NHSL1: variants seen among roughly 807,000 people sequenced by gnomAD.
NHSL1 encodes the protein NHS like 1, also known as NHS-like protein 1.
A neutral mutation model predicts 95.0 loss-of-function variants in NHSL1; 48 were observed. The ratio of observed to expected loss-of-function variants is 0.51; its 90% CI spans 0.40 to 0.64. The LOEUF (loss-of-function observed/expected upper bound fraction) is 0.64, where lower values mean the gene tolerates loss of function less well. NHSL1 is among the 30% of genes least tolerant of loss of function. The pLI, the probability that NHSL1 is intolerant of heterozygous loss-of-function variation, is 0.00. For missense variants in NHSL1, 1,971 were observed against 2,077.7 expected (o/e 0.95, Z 1.00); for synonymous variants, 783 against 833.9 (o/e 0.94, Z 1.05).
intron 1 of NHSL1, among the ~76,000 whole-genome samples, chr6:138,557,536 G>A (rs866933372): frequency 2.6e-5 from 4 of 152,246 alleles, no homozygotes; most frequent in African/African-American, 9.6e-5. Context: ...ACAGTCACTG[G>A]AAGTTAAAGA....
intron 1 of NHSL1, among the ~76,000 whole-genome samples, chr6:138,594,558 A>G (rs1784276157): frequency 6.6e-6 from 1 of 151,976 alleles, no homozygotes; most frequent in Non-Finnish European, 1.5e-5. Flanking sequence ...GGAGCTTTTC[A>G]CTCCACAGAT....
At chr6:138,631,894 A>T (rs568721770) in intron 1 of NHSL1, among the ~76,000 whole-genome samples, 15 of 152,180 alleles carry the variant, frequency 9.9e-5, no homozygotes, top group African/African-American at 3.1e-4. Flanking sequence ...AGCCACGGGG[A>T]GGTAGAGCAC....
chr6:138,450,584 G>A (rs1777163879), intron 3 of NHSL1, among the ~76,000 whole-genome samples: 1 of 152,158 alleles, frequency 6.6e-6, no homozygotes, highest in Admixed American at 6.5e-5. Flanking sequence ...GACTGACACT[G>A]TCAGAATCGA....
At chr6:138,655,596 A>G (rs1211138004) in intron 1 of NHSL1, among the ~76,000 whole-genome samples, 3 of 152,224 alleles carry the variant, frequency 2.0e-5, no homozygotes, top group Non-Finnish European at 4.4e-5. Flanking sequence ...AATGGATCAC[A>G]TTCAACAGCA....
At chr6:138,460,774 T>G (rs150027398) in intron 3 of NHSL1, among the ~76,000 whole-genome samples, 1 of 151,596 alleles carries the variant, frequency 6.6e-6, no homozygotes, top group Non-Finnish European at 1.5e-5. Context: ...CTGTTAGCTA[T>G]GCAATAAAGG....
chr6:138,601,558 A>C (rs965165655), intron 1 of NHSL1, among the ~76,000 whole-genome samples: 2 of 152,184 alleles, frequency 1.3e-5, no homozygotes, highest in Non-Finnish European at 2.9e-5. Flanking sequence ...TCATGCCTGC[A>C]ATCCCAGCAC....
chr6:138,517,275 T>A (rs532147742), intron 1 of NHSL1, among the ~76,000 whole-genome samples: 1 of 152,216 alleles, frequency 6.6e-6, no homozygotes, highest in African/African-American at 2.4e-5. Flanking sequence ...TCTGGATGAA[T>A]ATTTCAGTTC....
At position 138,462,772 on chromosome 6, in the gene NHSL1, C is replaced by T. The variant is rs183110195; in HGVS notation, c.339+10534G>A. ...GGCGTTCTTCTCTAGCCTCATTTAA[C>T]TAACCAATCAGGCTTTAGTGCAAAG... On this transcript the variant is annotated intron_variant, in intron 3 of 7. Coordinates refer to ENST00000343505, the MANE Select transcript of NHSL1 (RefSeq NM_001144060.2). 1.8e-4 allele frequency among the ~76,000 whole-genome samples: 27 copies of T among 152,322 alleles called. No individual in the cohort carries two copies. In the East Asian group the frequency reaches 5.0e-3, roughly 28 times the overall value.
At position 138,498,648 on chromosome 6, in the gene NHSL1, C is replaced by A. The variant is rs369910443; in HGVS notation, c.58+585G>T. ...GCACCTACATTAAAGAAATGTAAGT[C>A]AATGGTAAGTACACAATAAAGCCAC... On this transcript the variant is annotated intron_variant, in intron 1 of 7. Coordinates refer to ENST00000343505, the MANE Select transcript of NHSL1 (RefSeq NM_001144060.2). 4.5e-4 allele frequency among the ~76,000 whole-genome samples: 68 copies of A among 152,294 alleles called. 2 individuals carry two copies. In the South Asian group the frequency reaches 5.0e-3, roughly 11 times the overall value.
rs56326954 is a variant in NHSL1, at chr6:138,423,815, C to CAAAAAAAAAAAAAAAAAAAAA, written c.*245_*265dup. The CAAAAAAAAAAAAAAAAAAAAA allele has an allele frequency of 7.5e-6, 1 of 133,592 alleles. No individual in the cohort carries two copies. Among genetic ancestry groups the CAAAAAAAAAAAAAAAAAAAAA allele is most frequent in the Admixed American group, 1.0e-4 (1 of 9,588 alleles). 8.3% of individuals were successfully genotyped at this position (133,592 alleles called of 1,614,324 possible). A position where few individuals can be genotyped will look rare whatever the true frequency, so the allele number is the denominator to read the frequency against. Reference sequence around the variant, plus strand: ...GCACACATACACACCCAGCATTTAGCAAAAAAAAAAAAAAAAAAAAAAAAT... The same window carrying CAAAAAAAAAAAAAAAAAAAAA: ...GCACACATACACACCCAGCATTTAGCAAAAAAAAAAAAAAAAAAAAAAAAAAAAAAAAAAAAAAAAAAAAAT... On this transcript the variant is annotated 3_prime_UTR_variant, in exon 8 of 8. Transcript: ENST00000343505.
At chr6:138,457,548 A>G (rs964888959) in intron 3 of NHSL1, among the ~76,000 whole-genome samples, 3 of 152,200 alleles carry the variant, frequency 2.0e-5, no homozygotes, top group East Asian at 3.8e-4. Flanking sequence ...TGGATTTTTA[A>G]TATTTGTTGA....
At chr6:138,682,087 T>C (rs544082788) in intron 1 of NHSL1, among the ~76,000 whole-genome samples, 7 of 151,698 alleles carry the variant, frequency 4.6e-5, no homozygotes, top group South Asian at 4.2e-4. Flanking sequence ...GTTCAAGCAA[T>C]ACTCCTGCCT....
At position 138,675,064 on chromosome 6, in the gene NHSL1, C is replaced by T. The variant is rs962185522; in HGVS notation, c.96+17412G>A. 2.6e-5 allele frequency among the ~76,000 whole-genome samples: 4 copies of T among 151,822 alleles called. 1 individual carries two copies. The highest frequency in any genetic ancestry group is 2.0e-4 in the Admixed American group (3 of 15,232). ...AGTCTCCTAAAAAAAAAAAAAAATC[C>T]CCCAGGAAAAAATTAAAAGAGGCAC... On this transcript the variant is annotated intron_variant, in intron 1 of 3. Transcript: ENST00000491526.
rs1371683637 is a variant in NHSL1 at position 138,433,227 on chromosome 6, G to C, written c.1118C>G (p.Ala373Gly). 10 of 1,551,128 alleles carry C rather than the reference G, an allele frequency of 6.4e-6. No individual in the cohort carries two copies. The highest frequency in any genetic ancestry group is 4.8e-5 in the South Asian group (4 of 84,052). ...ADENLGHLGG[A>G]SGTGTLLRPK... ...TCTCAAAAGTGTTCCAGTCCCTGAG[G>C]CACCTCCTAAATGGCCTAAGTTTTC... The change falls in exon 6 of 8, where the codon GCC (alanine) becomes GGC (glycine). Residue 373 changes from alanine to glycine, a missense_variant. Transcript: ENST00000343505.
At chr6:138,691,856 G>A (rs1401744150) in intron 1 of NHSL1, 6 of 455,378 alleles carry the variant, frequency 1.3e-5, no homozygotes, top group Admixed American at 2.4e-5. Flanking sequence ...CAAGGTCAAC[G>A]TCTTCTGAAT....
At chr6:138,577,048 A>C (rs893761438), upstream of NHSL1, among the ~76,000 whole-genome samples, 13 of 152,212 alleles carry the variant, frequency 8.5e-5, no homozygotes, top group South Asian at 2.1e-4. Flanking sequence ...TGAATTTGGA[A>C]AGATTTATCT....
At chr6:138,658,674 T>C (rs1365940653) in intron 1 of NHSL1, among the ~76,000 whole-genome samples, 1 of 152,192 alleles carries the variant, frequency 6.6e-6, no homozygotes, top group Non-Finnish European at 1.5e-5. Flanking sequence ...CTCTTTGATG[T>C]GGTGATTTTT....
chr6:138,632,817 T>G (rs1474250937), intron 1 of NHSL1, among the ~76,000 whole-genome samples: 3 of 152,096 alleles, frequency 2.0e-5, no homozygotes, highest in East Asian at 3.9e-4. Context: ...ACAAACATCT[T>G]TAAATATCAA....
intron 1 of NHSL1, among the ~76,000 whole-genome samples, chr6:138,584,692 C>T (rs1035753150): frequency 2.0e-5 from 3 of 152,202 alleles, no homozygotes; most frequent in Admixed American, 2.0e-4. Context: ...TGTGTTAAAT[C>T]AAGACAACTT....
Sources: gnomAD v4.1 joint callset for allele counts (sites outside exome capture counted in the v4.1 genomes callset) on GRCh38, gnomAD v4.1.1 for gene constraint, MANE v1.5 for transcripts, NCBI Gene and HGNC (gene_info 2026-07-23, HGNC 2026-07-21) for gene names.